The following KIAA0753 variants were observed in gnomAD, a reference collection of about 807,000 sequenced individuals.
The protein encoded by KIAA0753 is KIAA0753.
In KIAA0753, 114 loss-of-function variants were observed where a neutral mutation model predicts 116.9. The observed-to-expected ratio is 0.98, with a 90% CI of 0.84 to 1.14. The LOEUF (loss-of-function observed/expected upper bound fraction) is 1.14. Ranked by LOEUF, KIAA0753 falls within the 50% of genes most tolerant of loss-of-function variation. The pLI, the probability that KIAA0753 is intolerant of heterozygous loss-of-function variation, is 0.00. For missense variants in KIAA0753, 1,156 were observed against 1,172.4 expected (o/e 0.99, Z 0.20); for synonymous variants, 405 against 413.1 (o/e 0.98, Z 0.24).
intron 16 of KIAA0753, 44 bp from the exon 17 acceptor site, chr17:6,590,674 T>C (rs1430092332): frequency 1.2e-6 from 2 of 1,608,910 alleles, no homozygotes; most frequent in Admixed American, 1.7e-5. Context: ...AAAGAACAGT[T>C]GGTGTCCATT....
chr17:6,615,127 G>A (rs1970799306), intron 7 of KIAA0753, among the ~76,000 whole-genome samples: 2 of 152,120 alleles, frequency 1.3e-5, no homozygotes, highest in African/African-American at 4.8e-5. Context: ...TAGAGATGAG[G>A]TTTCACCATA....
chr17:6,584,163 G>A (rs9895877), intron 18 of KIAA0753, among the ~76,000 whole-genome samples: 14 of 26,626 alleles, frequency 5.3e-4, no homozygotes, highest in South Asian at 3.4e-3. Flanking sequence ...GTGAATTCCA[G>A]CCTCTGTCCT....
intron 18 of KIAA0753, among the ~76,000 whole-genome samples, chr17:6,587,911 C>A (rs892013598): frequency 1.3e-5 from 2 of 152,176 alleles, no homozygotes; most frequent in East Asian, 1.9e-4. Flanking sequence ...AGAATCATAA[C>A]TGATTTAGCA....
At chr17:6,605,870 T>C (rs1011846035) in intron 12 of KIAA0753, among the ~76,000 whole-genome samples, 2 of 152,204 alleles carry the variant, frequency 1.3e-5, no homozygotes, top group Non-Finnish European at 2.9e-5. Flanking sequence ...ATGTGTGATA[T>C]GTTTAATTTC....
Position 6,613,199 on chromosome 17 carries a change from C to T in KIAA0753, c.1316-1051G>A, listed in dbSNP as rs75613660. Among the ~76,000 whole-genome samples, 4 of 152,106 alleles carry T rather than the reference C, an allele frequency of 2.6e-5. No individual in the cohort carries two copies. In the East Asian group the frequency reaches 7.7e-4, roughly 29 times the overall value. ...GAAAAAAATCTCATTAACATGACAA[C>T]AAAAACTACAAGGCACGTTGGAAGA... is the stretch of plus-strand genomic sequence containing the variant. On this transcript the variant is annotated intron_variant, in intron 7 of 18. Transcript: ENST00000361413.
At chr17:6,635,640 G>A (rs539033620) in intron 1 of KIAA0753, 1 of 152,476 alleles carries the variant, frequency 6.6e-6, no homozygotes, top group African/African-American at 2.4e-5. Context: ...TAAACCTGTA[G>A]CATCAGAATT....
chr17:6,633,439 G>C (rs1477752286), intron 2 of KIAA0753, among the ~76,000 whole-genome samples: 2 of 152,156 alleles, frequency 1.3e-5, no homozygotes, highest in Non-Finnish European at 2.9e-5. Context: ...TTGTCAGCAG[G>C]AATGTAAAAC....
At chr17:6,593,570 G>A (rs1056465380) in intron 16 of KIAA0753, among the ~76,000 whole-genome samples, 5 of 151,514 alleles carry the variant, frequency 3.3e-5, no homozygotes, top group African/African-American at 9.7e-5. Context: ...GAGGCAGGGC[G>A]CAATGGCTCA....
At chr17:6,632,893 C>T (rs977931056) in intron 2 of KIAA0753, among the ~76,000 whole-genome samples, 2 of 152,152 alleles carry the variant, frequency 1.3e-5, no homozygotes, top group Non-Finnish European at 2.9e-5. Context: ...TAAAAACAGA[C>T]TCAGAAATCA....
At chr17:6,591,043 A>AGAAG (rs1480196381) in intron 16 of KIAA0753, among the ~76,000 whole-genome samples, 191 of 32,596 alleles carry the variant, frequency 5.9e-3, no homozygotes, top group Non-Finnish European at 0.01. Context: ...GGAAGAAGGA[A>AGAAG]GAAGAAGAAG....
chr17:6,600,711 T>C (rs959510587), intron 12 of KIAA0753, among the ~76,000 whole-genome samples: 2 of 152,148 alleles, frequency 1.3e-5, no homozygotes, highest in African/African-American at 4.8e-5. Flanking sequence ...CCTTACTTTA[T>C]GCACAGGGAT....
intron 7 of KIAA0753, among the ~76,000 whole-genome samples, chr17:6,618,539 A>C (rs993077471): frequency 6.6e-6 from 1 of 152,174 alleles, no homozygotes; most frequent in Non-Finnish European, 1.5e-5. Context: ...GAATTACAGG[A>C]TACCCAGTTG....
chr17:6,622,991 C>T lies in KIAA0753; in HGVS notation c.995G>A (p.Arg332Gln), dbSNP rs754578074. 7.4e-6 allele frequency: 12 copies of T among 1,614,034 alleles called. No individual in the cohort carries two copies. The Admixed American group carries it at 8.3e-5, about 11-fold the overall frequency. ...AATAAGGCTGCCCAGTTCCTTACAC[C>T]GAGCAGGAAGTGGATGCTCCCCTCG... ...TDRGEHPLPA[R>Q]CKELGSLIRQ... is the part of the protein sequence containing the mutation. The change falls in exon 6 of 19, where the codon CGG becomes CAG. Residue 332 changes from arginine to glutamine, a missense_variant. Physicochemically the swap from Arg to Gln is conservative, Grantham distance 43. Transcript: ENST00000361413.
intron 3 of KIAA0753, among the ~76,000 whole-genome samples, chr17:6,625,632 A>G (rs1182936222): frequency 6.6e-6 from 1 of 151,930 alleles, no homozygotes; most frequent in Non-Finnish European, 1.5e-5. Flanking sequence ...GCACCACTAC[A>G]CTCCAGCCTG....
At position 6,589,791 on chromosome 17, in the gene KIAA0753, A is replaced by C; in HGVS notation, c.2774T>G (p.Leu925Arg). The change falls in exon 18 of 19, where the codon CTG becomes CGG. Residue 925 changes from leucine to arginine, a missense_variant. By Grantham distance (102) the Leu-to-Arg change is moderately radical. Transcript: ENST00000361413. ...HEAVGSFNPW[L>R]IAESFSEELV... Reference sequence around the variant, plus strand: ...ACATTTTACTGACCTTTCAGCTATCAGCCACGGGTTGAAGGAGCCTACAGC... The same window carrying C: ...ACATTTTACTGACCTTTCAGCTATCCGCCACGGGTTGAAGGAGCCTACAGC... 9 of 1,601,466 alleles carry C rather than the reference A, an allele frequency of 5.6e-6. No homozygotes were observed. Among genetic ancestry groups the C allele is most frequent in the African/African-American group, 1.4e-5 (1 of 74,040 alleles).
intron 14 of KIAA0753, among the ~76,000 whole-genome samples, chr17:6,597,554 C>T (rs1463938247): frequency 6.6e-6 from 1 of 152,142 alleles, no homozygotes; most frequent in Non-Finnish European, 1.5e-5. Flanking sequence ...TCATATACTT[C>T]TTCTGAATTA....
chr17:6,589,405 T>TAA, intron 18 of KIAA0753, among the ~76,000 whole-genome samples: 1 of 152,336 alleles, frequency 6.6e-6, no homozygotes, highest in South Asian at 2.1e-4. Flanking sequence ...AATACATTCT[T>TAA]GTTTAAGTCA....
chr17:6,589,711 C>A, intron 18 of KIAA0753, 68 bp downstream of exon 18: 1 of 1,232,174 alleles, frequency 8.1e-7, no homozygotes, highest in Non-Finnish European at 1.2e-6. Flanking sequence ...AATGCTTTCT[C>A]CAGCTTTTTC....
At chr17:6,598,261 T>C (rs959857531) in intron 14 of KIAA0753, among the ~76,000 whole-genome samples, 1 of 152,142 alleles carries the variant, frequency 6.6e-6, no homozygotes, top group Non-Finnish European at 1.5e-5. Context: ...CCAAGCTGCA[T>C]AAAACACCAA....
Sources: allele counts gnomAD v4.1 joint callset (sites outside exome capture counted in the v4.1 genomes callset), GRCh38; gene constraint gnomAD v4.1.1; transcripts MANE v1.5; gene names NCBI Gene and HGNC (gene_info 2026-07-23, HGNC 2026-07-21).